THEMIS: variants seen among roughly 807,000 people sequenced by gnomAD.
The protein encoded by THEMIS is thymocyte selection associated.
Under a neutral mutation model 52.6 loss-of-function variants are expected in THEMIS, and 37 were observed. That is an observed-to-expected ratio of 0.70 (90% CI 0.54 to 0.93). THEMIS has a LOEUF of 0.93. Ranked by LOEUF, THEMIS falls within the 40% of genes least tolerant of loss-of-function variation. The pLI is 0.00. For synonymous variants in THEMIS, 292 were observed against 272.7 expected, an observed-to-expected ratio of 1.07 and a Z score of -0.70; for missense variants, 808 against 763.1, an observed-to-expected ratio of 1.06 and a Z score of -0.69.
At chr6:127,707,735 T>G (rs2114439453), downstream of THEMIS, among the ~76,000 whole-genome samples, 1 of 152,254 alleles carries the variant, frequency 6.6e-6, no homozygotes, top group African/African-American at 2.4e-5. Context: ...TAGAGGCAAC[T>G]TGAACCAAGA....
chr6:127,746,865 A>C (rs1775425862), intron 4 of THEMIS, among the ~76,000 whole-genome samples: 1 of 57,886 alleles, frequency 1.7e-5, no homozygotes, highest in Non-Finnish European at 2.8e-5. Flanking sequence ...ATTATTATAT[A>C]ATTATATTAT....
chr6:127,844,481 G>GA (rs1779150491), intron 2 of THEMIS, among the ~76,000 whole-genome samples: 1 of 151,620 alleles, frequency 6.6e-6, no homozygotes, highest in Non-Finnish European at 1.5e-5. Context: ...TATTAAAACA[G>GA]AAAAATGTCT....
intron 1 of THEMIS, among the ~76,000 whole-genome samples, chr6:127,858,000 C>T (rs552568217): frequency 2.6e-5 from 4 of 152,076 alleles, no homozygotes; most frequent in African/African-American, 9.6e-5. Flanking sequence ...TAACGTAGCC[C>T]ATTTCAGCTG....
intron 4 of THEMIS, among the ~76,000 whole-genome samples, chr6:127,734,910 T>TAC (rs1774945130): frequency 8.0e-6 from 1 of 125,204 alleles, no homozygotes; most frequent in African/African-American, 3.0e-5. Flanking sequence ...TATATATATA[T>TAC]ATATGTGTGT....
chr6:127,807,295 G>A (rs562327261), intron 4 of THEMIS: 5 of 232,262 alleles, frequency 2.2e-5, no homozygotes, highest in South Asian at 1.9e-4. Flanking sequence ...GGGAGGCAGA[G>A]GTTGCAGCGA....
chr6:127,870,905 C>T (rs1456808967), intron 1 of THEMIS, among the ~76,000 whole-genome samples: 2 of 152,154 alleles, frequency 1.3e-5, no homozygotes, highest in Non-Finnish European at 2.9e-5. Context: ...GAGTCTTCAA[C>T]ACCCCTCTTT....
intron 1 of THEMIS, 44 bp from the exon 2 acceptor site, chr6:127,855,232 AG>A: frequency 6.7e-7 from 1 of 1,502,122 alleles, no homozygotes. Context: ...AAAAGAAAAC[AG>A]TGAAAAACAA....
At chr6:127,855,821 C>G (rs1779600767) in intron 1 of THEMIS, among the ~76,000 whole-genome samples, 2 of 151,892 alleles carry the variant, frequency 1.3e-5, no homozygotes, top group Admixed American at 1.3e-4. Flanking sequence ...GTCTTCTTGA[C>G]AAACCTTTTA....
chr6:127,907,493 G>A (rs1055505739), intron 1 of THEMIS, among the ~76,000 whole-genome samples: 3 of 151,422 alleles, frequency 2.0e-5, no homozygotes, highest in African/African-American at 4.9e-5. Flanking sequence ...AAAGTCCCAG[G>A]ATAAACTGTG....
chr6:127,865,679 C>A (rs1305694409), intron 1 of THEMIS, among the ~76,000 whole-genome samples: 1 of 151,938 alleles, frequency 6.6e-6, no homozygotes, highest in Non-Finnish European at 1.5e-5. Flanking sequence ...TGATTTTTTC[C>A]AGTAGATATG....
rs1415153565 is a variant in THEMIS at position 127,719,761 on chromosome 6, T to C, written c.1821A>G (p.Val607=). Residue 607 remains valine (V), a synonymous_variant, in exon 5 of 6, where the codon GTA becomes GTG. Transcript: ENST00000368248. ...HPNQAGLDSK[V]LIGSQNDLVD... ...CCAAATCATTCTGACTACCAATCAG[T>C]ACTTTTGAATCCAGGCCAGCTTGAT... 27 of 1,612,500 alleles carry C rather than the reference T, an allele frequency of 1.7e-5. No homozygotes were observed. The East Asian group carries it at 4.9e-4, about 29-fold the overall frequency.
chr6:127,770,865 A>G (rs1776361274), intron 4 of THEMIS, among the ~76,000 whole-genome samples: 1 of 152,186 alleles, frequency 6.6e-6, no homozygotes, highest in South Asian at 2.1e-4. Flanking sequence ...AGAACCATTT[A>G]TTAAATAGGG....
chr6:127,719,968 C>T (rs897363629), intron 4 of THEMIS, 145 bp from the exon 5 acceptor site: 1 of 1,059,392 alleles, frequency 9.4e-7, no homozygotes, highest in African/African-American at 1.7e-5. Context: ...ATTATATGTT[C>T]ATCAATATAT....
chr6:127,873,779 T>C (rs952890220), intron 1 of THEMIS, among the ~76,000 whole-genome samples: 2 of 152,220 alleles, frequency 1.3e-5, no homozygotes, highest in African/African-American at 4.8e-5. Flanking sequence ...TTGTATGTTA[T>C]GTGTATTACA....
At chr6:127,876,302 C>A (rs991410324) in intron 1 of THEMIS, among the ~76,000 whole-genome samples, 6 of 152,092 alleles carry the variant, frequency 3.9e-5, no homozygotes, top group Non-Finnish European at 8.8e-5. Flanking sequence ...AAAATAAGAT[C>A]GAACTGACTT....
At chr6:127,915,445 G>A (rs1040777134) in intron 1 of THEMIS, among the ~76,000 whole-genome samples, 7 of 152,130 alleles carry the variant, frequency 4.6e-5, no homozygotes, top group African/African-American at 1.7e-4. Context: ...AGATTTCACA[G>A]GCCTTGTTCG....
At chr6:127,821,728 T>C (rs1369825737) in intron 3 of THEMIS, among the ~76,000 whole-genome samples, 1 of 152,040 alleles carries the variant, frequency 6.6e-6, no homozygotes, top group South Asian at 2.1e-4. Context: ...ACCACTAAAA[T>C]TGTCTTTAAA....
chr6:127,821,712 G>C (rs1034043648), intron 3 of THEMIS, among the ~76,000 whole-genome samples: 4 of 151,896 alleles, frequency 2.6e-5, no homozygotes, highest in African/African-American at 9.7e-5. Context: ...TTTGAATTTA[G>C]GGGACACCAC....
chr6:127,717,771 C>A (rs1365834968), intron 5 of THEMIS, among the ~76,000 whole-genome samples: 1 of 151,306 alleles, frequency 6.6e-6, no homozygotes. Flanking sequence ...GTCTGGGTAT[C>A]CTGAAAGAGC....
Sources: gnomAD v4.1 joint callset for allele counts (sites outside exome capture counted in the v4.1 genomes callset) on GRCh38, gnomAD v4.1.1 for gene constraint, MANE v1.5 for transcripts, NCBI Gene and HGNC (gene_info 2026-07-23, HGNC 2026-07-21) for gene names.